SPAG16: variants seen among roughly 807,000 people sequenced by gnomAD.
SPAG16 encodes sperm associated antigen 16, also known as sperm-associated antigen 16 protein.
In SPAG16, 86 loss-of-function variants were observed where a neutral mutation model predicts 80.4. The ratio of observed to expected loss-of-function variants is 1.07; its 90% confidence interval spans 0.90 to 1.28. The LOEUF (loss-of-function observed/expected upper bound fraction) is 1.28. SPAG16 is among the 50% of genes most tolerant of loss of function. The pLI, the probability that SPAG16 is intolerant of heterozygous loss-of-function variation, is 0.00. For synonymous variants in SPAG16, 294 were observed against 265.9 expected (o/e 1.11, Z -1.03); for missense variants, 870 against 765.3 (o/e 1.14, Z -1.61).
intron 11 of SPAG16, among the ~76,000 whole-genome samples, chr2:213,876,606 T>A (rs1457929210): frequency 1.3e-5 from 2 of 152,308 alleles, no homozygotes; most frequent in East Asian, 3.9e-4. Context: ...TTCTACGACG[T>A]AAGTCTGGAA....
intron 15 of SPAG16, among the ~76,000 whole-genome samples, chr2:214,316,373 A>G (rs1251345590): frequency 1.3e-5 from 2 of 152,192 alleles, no homozygotes; most frequent in African/African-American, 4.8e-5. Context: ...CTGTTGAACA[A>G]GAGACTTTCT....
At chr2:213,334,841 G>T (rs1006864105) in intron 5 of SPAG16, among the ~76,000 whole-genome samples, 1 of 152,036 alleles carries the variant, frequency 6.6e-6, no homozygotes. Flanking sequence ...AGCCAGGGAT[G>T]GTTAATGGGT....
intron 13 of SPAG16, among the ~76,000 whole-genome samples, chr2:214,063,409 C>A (rs1317317510): frequency 2.6e-5 from 4 of 152,104 alleles, no homozygotes; most frequent in Non-Finnish European, 4.4e-5. Flanking sequence ...TGAAGGCTTC[C>A]CTGTCTGCTT....
At chr2:213,427,930 T>C (rs1433142523) in intron 9 of SPAG16, among the ~76,000 whole-genome samples, 1 of 152,200 alleles carries the variant, frequency 6.6e-6, no homozygotes, top group Non-Finnish European at 1.5e-5. Flanking sequence ...TACATTGTAT[T>C]TCCTAATTGT....
In SPAG16 at chr2:214,004,107, A is replaced by G. The variant is rs536529366; in HGVS notation, c.1401-9844A>G. On this transcript the variant is annotated intron_variant, in intron 12 of 15. Coordinates refer to ENST00000331683, the MANE Select transcript of SPAG16 (RefSeq NM_024532.5). ...GCTTCTGCCCATGCCTGTGTCTACA[A>G]ATGAGCAAAAAGGGCTGTGAGTATA... is the stretch of plus-strand genomic sequence containing the variant. 2.0e-5 allele frequency among the ~76,000 whole-genome samples: 3 copies of G among 152,356 alleles called. No individual in the cohort carries two copies. The East Asian group carries it at 5.8e-4, about 29-fold the overall frequency.
intron 12 of SPAG16, among the ~76,000 whole-genome samples, chr2:213,957,856 C>A (rs2044227594): frequency 6.6e-6 from 1 of 152,056 alleles, no homozygotes; most frequent in African/African-American, 2.4e-5. Context: ...TTGTGATTTT[C>A]TAATTTTTTG....
At chr2:213,903,216 G>A (rs866645887) in intron 11 of SPAG16, among the ~76,000 whole-genome samples, 13 of 152,290 alleles carry the variant, frequency 8.5e-5, no homozygotes, top group African/African-American at 2.2e-4. Context: ...CAGTGCCCCC[G>A]TAGGGACTCT....
intron 15 of SPAG16, among the ~76,000 whole-genome samples, chr2:214,283,171 T>G (rs1693089828): frequency 6.6e-6 from 1 of 152,146 alleles, no homozygotes; most frequent in African/African-American, 2.4e-5. Context: ...GTAAATTGAT[T>G]GTACACAGGT....
chr2:213,692,447 T>C (rs2064980645), intron 10 of SPAG16, among the ~76,000 whole-genome samples: 1 of 152,180 alleles, frequency 6.6e-6, no homozygotes, highest in African/African-American at 2.4e-5. Flanking sequence ...CACTGATTTA[T>C]TGTGTTTGGT....
At chr2:214,097,305 A>G (rs1294846586) in intron 13 of SPAG16, among the ~76,000 whole-genome samples, 3 of 152,084 alleles carry the variant, frequency 2.0e-5, no homozygotes, top group African/African-American at 7.2e-5. Context: ...GCATAATGAC[A>G]CAATATGATT....
intron 15 of SPAG16, among the ~76,000 whole-genome samples, chr2:214,225,859 G>A (rs2058686837): frequency 6.6e-6 from 1 of 152,170 alleles, no homozygotes; most frequent in East Asian, 1.9e-4. Context: ...TAAACTGCCT[G>A]CCTATGTAGA....
intron 12 of SPAG16, among the ~76,000 whole-genome samples, chr2:213,995,340 G>A (rs2046467325): frequency 6.6e-6 from 1 of 152,178 alleles, no homozygotes. Flanking sequence ...CAGATTTAAA[G>A]CTTGAGAGCA....
At chr2:213,693,395 C>G (rs1382521890) in intron 10 of SPAG16, among the ~76,000 whole-genome samples, 2 of 152,212 alleles carry the variant, frequency 1.3e-5, no homozygotes, top group African/African-American at 2.4e-5. Flanking sequence ...CAAGCCCTAC[C>G]TCAGCACACT....
chr2:213,388,137 T>C (rs971076170), intron 9 of SPAG16, among the ~76,000 whole-genome samples: 1 of 152,196 alleles, frequency 6.6e-6, no homozygotes, highest in Non-Finnish European at 1.5e-5. Flanking sequence ...CCTAGCTCTG[T>C]GGCAGGCAGC....
chr2:214,341,394 A>G (rs1559226941), intron 15 of SPAG16, among the ~76,000 whole-genome samples: 1 of 152,222 alleles, frequency 6.6e-6, no homozygotes, highest in African/African-American at 2.4e-5. Flanking sequence ...AAGCCTTTAG[A>G]TTCAAAGAGC....
chr2:214,210,412 A>G (rs149073112), intron 15 of SPAG16, among the ~76,000 whole-genome samples: 29 of 152,242 alleles, frequency 1.9e-4, no homozygotes, highest in African/African-American at 7.0e-4. Flanking sequence ...TCAGTATAAA[A>G]TGTATTTAGA....
chr2:213,332,266 G>A (rs1433830478), intron 5 of SPAG16, among the ~76,000 whole-genome samples: 1 of 152,056 alleles, frequency 6.6e-6, no homozygotes, highest in East Asian at 1.9e-4. Flanking sequence ...CCAACTACAT[G>A]CCAATAAATT....
At chr2:213,833,486 T>TTATATATATTATATATAA (rs1336345426) in intron 10 of SPAG16, among the ~76,000 whole-genome samples, 229 of 3,576 alleles carry the variant, frequency 0.064, 59 homozygotes, top group South Asian at 0.11. Flanking sequence ...AATATATATA[T>TTATATATATTATATATAA]TATATATAAT....
intron 10 of SPAG16, among the ~76,000 whole-genome samples, chr2:213,657,660 C>T (rs2063269713): frequency 6.6e-6 from 1 of 152,084 alleles, no homozygotes; most frequent in Admixed American, 6.6e-5. Flanking sequence ...TTTTGAATCT[C>T]TTCCTTGGGA....
Sources: allele counts gnomAD v4.1 joint callset (sites outside exome capture counted in the v4.1 genomes callset), GRCh38; gene constraint gnomAD v4.1.1; transcripts MANE v1.5; gene names NCBI Gene and HGNC (gene_info 2026-07-23, HGNC 2026-07-21).